SMCHD1: variants seen among roughly 807,000 people sequenced by gnomAD.
The protein encoded by SMCHD1 is structural maintenance of chromosomes flexible hinge domain-containing protein 1.
Under a neutral mutation model 254.7 loss-of-function variants are expected in SMCHD1, and 78 were observed. The ratio of observed to expected loss-of-function variants is 0.31; its 90% CI spans 0.26 to 0.37. SMCHD1 has a LOEUF of 0.37. SMCHD1 is among the 10% of genes least tolerant of loss of function. SMCHD1 has a pLI of 1.00. For missense variants in SMCHD1, 1,840 were observed against 2,408.1 expected (o/e 0.76, Z 4.94); for synonymous variants, 766 against 794.9 (o/e 0.96, Z 0.61).
intron 37 of SMCHD1, among the ~76,000 whole-genome samples, chr18:2,768,783 C>T (rs770067147): frequency 5.4e-5 from 8 of 149,372 alleles, no homozygotes; most frequent in Non-Finnish European, 1.0e-4. Context: ...AAGCAAGTTG[C>T]TAAAGTATAT....
rs2075985422 is a variant in SMCHD1 at position 2,771,601 on chromosome 18, A to G, written c.5035A>G (p.Ile1679Val). ...RNELKIHNID[I>V]PTTQQVPHIE... ...TGAACTAAAAATACATAATATTGAC[A>G]TTCCTACAACACAACAGGTACAGCT... Residue 1679 changes from isoleucine to valine, a missense_variant, in exon 40 of 48, where the codon ATT (isoleucine) becomes GTT (valine). Ile to Val is a conservative substitution (Grantham distance 29, BLOSUM62 3). Coordinates refer to ENST00000320876, the MANE Select transcript of SMCHD1 (RefSeq NM_015295.3). 1.3e-6 allele frequency: 2 copies of G among 1,568,192 alleles called. No homozygotes were observed. Among genetic ancestry groups the G allele is most frequent in the African/African-American group, 2.8e-5 (2 of 71,762 alleles).
At chr18:2,788,564 A>G (rs1306651547) in intron 45 of SMCHD1, among the ~76,000 whole-genome samples, 1 of 152,052 alleles carries the variant, frequency 6.6e-6, no homozygotes, top group African/African-American at 2.4e-5. Context: ...CACTTTTATA[A>G]TCAGAAAAAT....
chr18:2,700,407 C>T, intron 10 of SMCHD1, 132 bp from the exon 11 acceptor site: 1 of 974,720 alleles, frequency 1.0e-6, no homozygotes, highest in Non-Finnish European at 1.5e-6. Context: ...GTAAACCTAC[C>T]TTTTTGTGGG....
intron 12 of SMCHD1, among the ~76,000 whole-genome samples, chr18:2,702,491 GT>G (rs34907193): frequency 3.2e-4 from 49 of 152,038 alleles, no homozygotes; most frequent in African/African-American, 1.2e-3. Flanking sequence ...CATCCTGAGA[GT>G]TTTAGAAGGG....
rs575074715 is a variant in SMCHD1 at position 2,681,628 on chromosome 18, C to G, written c.639-6766C>G. Among the ~76,000 whole-genome samples the G allele has an allele frequency of 1.7e-4, 25 of 149,724 alleles. No individual in the cohort carries two copies. In the South Asian group the frequency reaches 4.9e-3, roughly 29 times the overall value. On this transcript the variant is annotated intron_variant, in intron 5 of 47. Transcript: ENST00000320876. ...AAAGGATATATAACATTACATAAAC[C>G]TAGAAAATTCTCTCATAACTTGGGC...
In SMCHD1 at chr18:2,655,783, A is replaced by G; in HGVS notation, c.-293A>G. On this transcript the variant is annotated 5_prime_UTR_variant, in exon 1 of 48. Coordinates refer to ENST00000320876, the MANE Select transcript of SMCHD1 (RefSeq NM_015295.3). ...CACCGTGAGGCTCGCGTGGGCGGCGATAGGCGCTGGGCCCGGGCCCGGTGA... is the reference window on the plus strand; with the variant it reads ...CACCGTGAGGCTCGCGTGGGCGGCGGTAGGCGCTGGGCCCGGGCCCGGTGA... 1 of 257,548 alleles carries G rather than the reference A, an allele frequency of 3.9e-6. No homozygotes were observed. The highest frequency in any genetic ancestry group is 7.3e-6 in the Non-Finnish European group (1 of 136,942). The allele number at this position is 257,548 out of a possible 1,614,324, so 16.0% of individuals were successfully genotyped here. A position where few individuals can be genotyped will look rare whatever the true frequency, so the allele number is the denominator to read the frequency against.
chr18:2,656,391 TC>T, intron 1 of SMCHD1, 130 bp downstream of exon 1: 2 of 868,202 alleles, frequency 2.3e-6, no homozygotes, highest in East Asian at 6.6e-5. Context: ...GGCTTCCCTC[TC>T]CCGTGTGCCC....
intron 47 of SMCHD1, among the ~76,000 whole-genome samples, chr18:2,797,982 A>G (rs879874277): frequency 2.6e-5 from 4 of 152,186 alleles, no homozygotes; most frequent in Non-Finnish European, 5.9e-5. Context: ...TAGGGAAACA[A>G]TATCAGTTGT....
chr18:2,681,923 C>T (rs74530258), intron 5 of SMCHD1, among the ~76,000 whole-genome samples: 3 of 152,166 alleles, frequency 2.0e-5, no homozygotes, highest in African/African-American at 7.2e-5. Flanking sequence ...AAATGGATCC[C>T]CAACAAGATT....
intron 30 of SMCHD1, 50 bp from the exon 31 acceptor site, chr18:2,749,993 T>A: frequency 6.9e-7 from 1 of 1,455,306 alleles, no homozygotes; most frequent in Non-Finnish European, 9.3e-7. Context: ...AAGAACTTGA[T>A]TGATCTCTAG....
chr18:2,662,970 A>G (rs917028490), intron 1 of SMCHD1, among the ~76,000 whole-genome samples: 2 of 152,172 alleles, frequency 1.3e-5, no homozygotes, highest in Non-Finnish European at 2.9e-5. Flanking sequence ...ATTTCTCTGT[A>G]CAGAGGCCTA....
chr18:2,662,554 A>G (rs1598277664), intron 1 of SMCHD1, among the ~76,000 whole-genome samples: 1 of 151,264 alleles, frequency 6.6e-6, no homozygotes, highest in Non-Finnish European at 1.5e-5. Flanking sequence ...CAGAGGCAGG[A>G]GAATGGTGTG....
chr18:2,736,183 G>A (rs1280796600), intron 25 of SMCHD1, among the ~76,000 whole-genome samples: 1 of 152,202 alleles, frequency 6.6e-6, no homozygotes, highest in Non-Finnish European at 1.5e-5. Context: ...AATAAATGGT[G>A]CCGGGATAAC....
At chr18:2,691,342 C>T (rs542035574) in intron 7 of SMCHD1, among the ~76,000 whole-genome samples, 1 of 152,256 alleles carries the variant, frequency 6.6e-6, no homozygotes, top group East Asian at 1.9e-4. Context: ...TTAGTTCTTC[C>T]CAACAAACAT....
chr18:2,743,560 C>T (rs2075391186), intron 28 of SMCHD1, among the ~76,000 whole-genome samples: 1 of 152,110 alleles, frequency 6.6e-6, no homozygotes, highest in Non-Finnish European at 1.5e-5. Flanking sequence ...TCCCCTACCC[C>T]TTGAAAGAAA....
At chr18:2,699,610 G>C (rs1232613167) in intron 10 of SMCHD1, among the ~76,000 whole-genome samples, 2 of 152,200 alleles carry the variant, frequency 1.3e-5, no homozygotes, top group African/African-American at 4.8e-5. Context: ...AAAGTGCTAG[G>C]ATTACAGGCG....
chr18:2,775,647 T>C, intron 41 of SMCHD1, 87 bp from the exon 42 acceptor site: 1 of 1,164,946 alleles, frequency 8.6e-7, no homozygotes. Context: ...AGAGAAGTTT[T>C]TGTTACCTAG....
At chr18:2,758,985 T>C (rs1291221336) in intron 34 of SMCHD1, among the ~76,000 whole-genome samples, 1 of 152,206 alleles carries the variant, frequency 6.6e-6, no homozygotes, top group Non-Finnish European at 1.5e-5. Flanking sequence ...ACTAATTCTC[T>C]CTTCAGTGAC....
chr18:2,681,123 C>T (rs1443565792), intron 5 of SMCHD1, among the ~76,000 whole-genome samples: 1 of 151,850 alleles, frequency 6.6e-6, no homozygotes, highest in African/African-American at 2.4e-5. Flanking sequence ...AAAAATTAGC[C>T]AGGTGTAGTC....
Sources: gnomAD v4.1 joint callset for allele counts (sites outside exome capture counted in the v4.1 genomes callset) on GRCh38, gnomAD v4.1.1 for gene constraint, MANE v1.5 for transcripts, NCBI Gene and HGNC (gene_info 2026-07-23, HGNC 2026-07-21) for gene names.